NUBPL: variants seen among roughly 807,000 people sequenced by gnomAD.
The protein encoded by NUBPL is NUBP iron-sulfur cluster assembly factor, mitochondrial.
A neutral mutation model predicts 45.7 loss-of-function variants in NUBPL; 31 were observed. That is an observed-to-expected ratio of 0.68 (90% CI 0.51 to 0.92). The LOEUF (loss-of-function observed/expected upper bound fraction) is 0.92. Ranked by LOEUF, NUBPL falls within the 40% of genes least tolerant of loss-of-function variation. The pLI is 0.00. For missense variants in NUBPL, 401 were observed against 398.7 expected (o/e 1.01, Z -0.05); for synonymous variants, 144 against 140.9 (o/e 1.02, Z -0.15).
intron 6 of NUBPL, among the ~76,000 whole-genome samples, chr14:31,765,312 G>A (rs10148038): frequency 0.16 from 24,313 of 152,176 alleles, 5,534 homozygotes; most frequent in African/African-American, 0.51. Flanking sequence ...ACATGGAAAA[G>A]ATATTTTTAA....
intron 8 of NUBPL, among the ~76,000 whole-genome samples, chr14:31,834,963 T>C (rs1595694071): frequency 1.3e-5 from 2 of 152,170 alleles, no homozygotes; most frequent in African/African-American, 4.8e-5. Context: ...GAATCTAGGG[T>C]ATAAGAGGGT....
intron 3 of NUBPL, among the ~76,000 whole-genome samples, chr14:31,596,966 T>C (rs2034300202): frequency 6.6e-6 from 1 of 152,148 alleles, no homozygotes; most frequent in Admixed American, 6.6e-5. Context: ...TGGTATGTTT[T>C]TATAGGTTCT....
intron 3 of NUBPL, among the ~76,000 whole-genome samples, chr14:31,567,559 A>G (rs1043304059): frequency 6.6e-6 from 1 of 151,944 alleles, no homozygotes; most frequent in African/African-American, 2.4e-5. Context: ...TTTAGTTGTT[A>G]TTAGGTTCTT....
intron 6 of NUBPL, among the ~76,000 whole-genome samples, chr14:31,679,406 G>C (rs537476602): frequency 2.7e-4 from 41 of 152,138 alleles, no homozygotes; most frequent in African/African-American, 9.4e-4. Flanking sequence ...TGTTCTCAAA[G>C]CTTTATAGTT....
At chr14:31,829,897 T>C (rs1188516743) in intron 8 of NUBPL, among the ~76,000 whole-genome samples, 5 of 152,214 alleles carry the variant, frequency 3.3e-5, no homozygotes, top group Non-Finnish European at 7.3e-5. Flanking sequence ...TCAATATTTG[T>C]AGGTAGACTA....
At chr14:31,734,694 G>A (rs1304583905) in intron 6 of NUBPL, among the ~76,000 whole-genome samples, 4 of 151,934 alleles carry the variant, frequency 2.6e-5, no homozygotes, top group Non-Finnish European at 4.4e-5. Context: ...GTGTCTATGA[G>A]TTTTCCCCTA....
intron 6 of NUBPL, among the ~76,000 whole-genome samples, chr14:31,761,424 A>G (rs2038806943): frequency 6.6e-6 from 1 of 152,204 alleles, no homozygotes; most frequent in South Asian, 2.1e-4. Context: ...TATAGACTCA[A>G]GCAGCATCAA....
intron 7 of NUBPL, among the ~76,000 whole-genome samples, chr14:31,809,354 T>A (rs2039754823): frequency 6.6e-6 from 1 of 152,204 alleles, no homozygotes; most frequent in Non-Finnish European, 1.5e-5. Context: ...GGAGGGTGTA[T>A]GTGTTCAGGA....
rs114943405 is a variant in NUBPL, at chr14:31,803,982, C to T, written c.607+16109C>T. Among the ~76,000 whole-genome samples the T allele has an allele frequency of 9.4e-3, 1,431 of 152,238 alleles. 22 individuals carry two copies. Among genetic ancestry groups the T allele is most frequent in the African/African-American group, 0.033 (1,362 of 41,538 alleles). ...CTATATTGCACAGGCTGGTCTCAAA[C>T]TCCCTGGTTCAAGGGATTCTCCCAC... On this transcript the variant is annotated intron_variant, in intron 7 of 10. Coordinates refer to ENST00000281081, the MANE Select transcript of NUBPL (RefSeq NM_025152.3).
intron 6 of NUBPL, among the ~76,000 whole-genome samples, chr14:31,694,732 T>C (rs553394952): frequency 1.5e-3 from 223 of 152,298 alleles, no homozygotes; most frequent in Non-Finnish European, 2.5e-3. Context: ...GTCAGGCTGG[T>C]CTGGAACTCC....
At chr14:31,673,270 T>A (rs1305732004) in intron 4 of NUBPL, 85 bp from the exon 5 acceptor site, 5 of 1,226,024 alleles carry the variant, frequency 4.1e-6, no homozygotes, top group African/African-American at 1.6e-5. Context: ...AAAAAATTTT[T>A]AAAAAGATGA....
chr14:31,715,372 A>G (rs988554662), intron 6 of NUBPL, among the ~76,000 whole-genome samples: 5 of 152,208 alleles, frequency 3.3e-5, no homozygotes, highest in African/African-American at 7.2e-5. Flanking sequence ...GCTTAACAAC[A>G]TGGATATTTT....
intron 4 of NUBPL, chr14:31,667,717 A>G (rs1396122713): frequency 6.6e-6 from 1 of 151,966 alleles, no homozygotes; most frequent in Non-Finnish European, 1.5e-5. Flanking sequence ...GATGCTGATG[A>G]CCTTTGGATA....
chr14:31,651,701 A>G (rs1200461841), intron 4 of NUBPL, among the ~76,000 whole-genome samples: 1 of 152,118 alleles, frequency 6.6e-6, no homozygotes, highest in Non-Finnish European at 1.5e-5. Flanking sequence ...GATCGAGACA[A>G]TCCTGGCTAA....
At chr14:31,755,206 A>G in intron 6 of NUBPL, among the ~76,000 whole-genome samples, 1 of 152,074 alleles carries the variant, frequency 6.6e-6, no homozygotes, top group Non-Finnish European at 1.5e-5. Context: ...TCCTTTGGGT[A>G]TATACCCAGT....
chr14:31,840,408 C>CTA (rs1419942146), intron 8 of NUBPL, among the ~76,000 whole-genome samples: 1 of 151,946 alleles, frequency 6.6e-6, no homozygotes, highest in Non-Finnish European at 1.5e-5. Context: ...CCCATCTCTA[C>CTA]TAGAAATACA....
At chr14:31,572,535 A>G (rs1488497691) in intron 3 of NUBPL, among the ~76,000 whole-genome samples, 1 of 152,152 alleles carries the variant, frequency 6.6e-6, no homozygotes, top group African/African-American at 2.4e-5. Context: ...TACATGGTAA[A>G]TGTTTGCTAT....
In NUBPL at chr14:31,610,337, A is replaced by AAATT. The variant is rs1430444024; in HGVS notation, c.382+10958_382+10959insAATT. On this transcript the variant is annotated intron_variant, in intron 4 of 10. Transcript: ENST00000281081. ...GAAATGGATAAATTCATATACACGTACAACCTACCAAGATTGAATTAGGAA... is the reference window on the plus strand; with the variant it reads ...GAAATGGATAAATTCATATACACGTAAATTCAACCTACCAAGATTGAATTAGGAA... 1.4e-4 allele frequency among the ~76,000 whole-genome samples: 22 copies of AAATT among 152,206 alleles called. No homozygotes were observed. In the South Asian group the frequency reaches 4.4e-3, roughly 30 times the overall value.
intron 6 of NUBPL, among the ~76,000 whole-genome samples, chr14:31,755,866 A>G (rs1043018882): frequency 1.3e-5 from 2 of 150,728 alleles, no homozygotes; most frequent in East Asian, 1.9e-4. Context: ...ATCTTGAATT[A>G]ATTTTTGTAT....
Sources: allele counts gnomAD v4.1 joint callset (sites outside exome capture counted in the v4.1 genomes callset), GRCh38; gene constraint gnomAD v4.1.1; transcripts MANE v1.5; gene names NCBI Gene and HGNC (gene_info 2026-07-23, HGNC 2026-07-21).